Variants in SRSF7 observed in about 807,000 individuals in gnomAD.
SRSF7 encodes the protein serine and arginine rich splicing factor 7.
Under a neutral mutation model 42.2 loss-of-function variants are expected in SRSF7, and 15 were observed. That is an observed-to-expected ratio of 0.36 (90% CI 0.24 to 0.55). The LOEUF is 0.55. Among genes scored for constraint, SRSF7 ranks in the 20% least tolerant of loss-of-function variants. The pLI, the probability that SRSF7 is intolerant of heterozygous loss-of-function variation, is 0.88. For synonymous variants in SRSF7, 138 were observed against 107.9 expected (o/e 1.28, Z -1.73); for missense variants, 181 against 305.9 (o/e 0.59, Z 3.04).
intron 3 of SRSF7, chr2:38,749,161 C>G: frequency 1.5e-6 from 2 of 1,322,064 alleles, no homozygotes; most frequent in African/African-American, 1.5e-5. Context: ...ATCACCGTCT[C>G]AAATTTTCTG....
At position 38,744,875 on chromosome 2, in the gene SRSF7, T is replaced by C; in HGVS notation, c.*258A>G. On this transcript the variant is annotated 3_prime_UTR_variant, in exon 8 of 8. Coordinates refer to ENST00000313117, the MANE Select transcript of SRSF7 (RefSeq NM_001031684.3). ...TATATCAAATTAAGAAGTGTTAATA[T>C]TGAACACAAATCAAAAATCTAGTTA... is the stretch of plus-strand genomic sequence containing the variant. 4.6e-6 allele frequency: 2 copies of C among 435,446 alleles called. No individual in the cohort carries two copies. The highest frequency in any genetic ancestry group is 2.0e-5 in the African/African-American group (1 of 50,636). 27.0% of individuals were successfully genotyped at this position (435,446 alleles called of 1,614,324 possible). A position where few individuals can be genotyped will look rare whatever the true frequency, so the allele number is the denominator to read the frequency against.
At chr2:38,746,082 A>T (rs937860482) in intron 7 of SRSF7, 62 bp downstream of exon 7, 9 of 1,580,990 alleles carry the variant, frequency 5.7e-6, no homozygotes, top group Non-Finnish European at 7.0e-6. Flanking sequence ...AGCAGTAAGC[A>T]AACAAATTCT....
At chr2:38,748,453 C>A in intron 4 of SRSF7, 126 bp downstream of exon 4, 3 of 943,006 alleles carry the variant, frequency 3.2e-6, no homozygotes, top group Admixed American at 1.9e-5. Flanking sequence ...TGGTTATGCC[C>A]CTGTACTCCA....
At chr2:38,749,375 A>G in intron 3 of SRSF7, 154 bp downstream of exon 3, 2 of 1,541,694 alleles carry the variant, frequency 1.3e-6, no homozygotes, top group Non-Finnish European at 1.7e-6. Context: ...GTTGATTATT[A>G]ATATAGTAAC....
chr2:38,745,364 C>G (rs1667207627), intron 7 of SRSF7, among the ~76,000 whole-genome samples, 177 bp from the exon 8 acceptor site: 1 of 152,124 alleles, frequency 6.6e-6, no homozygotes, highest in Admixed American at 6.6e-5. Flanking sequence ...TAAGATTAGG[C>G]TACCCTGGCC....
In SRSF7 at chr2:38,749,715, G is replaced by A. The variant is rs985450024; in HGVS notation, c.210-10C>T. On this transcript the variant is annotated splice_polypyrimidine_tract_variant and intron_variant, in intron 2 of 7. Transcript: ENST00000313117. The stretch of plus-strand genomic sequence containing the variant: ...GGAGCCACAAATCACCCTAATAAAA[G>A]CAAATTAACAAAATTCTAAAGTTAA... The A allele has an allele frequency of 1.3e-6, 2 of 1,529,124 alleles. No homozygotes were observed. Among genetic ancestry groups the A allele is most frequent in the Admixed American group, 2.4e-5 (1 of 42,016 alleles). 94.7% of individuals were successfully genotyped at this position (1,529,124 alleles called of 1,614,324 possible).
intron 2 of SRSF7, 102 bp from the exon 3 acceptor site, chr2:38,749,807 C>A: frequency 7.4e-7 from 1 of 1,345,672 alleles, no homozygotes; most frequent in East Asian, 2.6e-5. Flanking sequence ...CCAACCACTC[C>A]TTCCCCCCCA....
chr2:38,750,249 T>C, intron 1 of SRSF7, 55 bp from the exon 2 acceptor site: 2 of 1,527,372 alleles, frequency 1.3e-6, no homozygotes, highest in Non-Finnish European at 1.8e-6. Flanking sequence ...GGCCCAAGTT[T>C]CAATTACTTA....
intron 2 of SRSF7, 92 bp from the exon 3 acceptor site, chr2:38,749,797 C>A (rs1251574518): frequency 7.3e-7 from 1 of 1,367,412 alleles, no homozygotes; most frequent in Non-Finnish European, 9.7e-7. Context: ...CTCACTCTTT[C>A]CAACCACTCC....
intron 4 of SRSF7, 120 bp downstream of exon 4, chr2:38,748,459 C>T (rs1667808121): frequency 9.8e-7 from 1 of 1,019,640 alleles, no homozygotes; most frequent in Non-Finnish European, 1.5e-6. Flanking sequence ...TGCCCCTGTA[C>T]TCCAGCCCGG....
chr2:38,748,164 T>C lies in SRSF7; in HGVS notation c.462-7A>G. The stretch of plus-strand genomic sequence containing the variant: ...AGGAGATGCTGACCTTGACCTAAAA[T>C]AAAGAACTTTAAGTCCATCTCCACA... On this transcript the variant is annotated splice_polypyrimidine_tract_variant and splice_region_variant and intron_variant, in intron 4 of 7. Coordinates refer to ENST00000313117, the MANE Select transcript of SRSF7 (RefSeq NM_001031684.3). 3 of 1,592,662 alleles carry C rather than the reference T, an allele frequency of 1.9e-6. No individual in the cohort carries two copies. Among genetic ancestry groups the C allele is most frequent in the Non-Finnish European group, 2.6e-6 (3 of 1,168,772 alleles).
In SRSF7 at chr2:38,751,361, C is replaced by A; in HGVS notation, c.-105G>T. ...CCCGCCAAGAGTCCCGGCGGCACTA[C>A]GAGGAAGAGCCCGGGTTCGCGTTTA... On this transcript the variant is annotated 5_prime_UTR_variant, in exon 1 of 8. Coordinates refer to ENST00000313117, the MANE Select transcript of SRSF7 (RefSeq NM_001031684.3). 3 of 1,509,870 alleles carry A rather than the reference C, an allele frequency of 2.0e-6. No individual in the cohort carries two copies. In the South Asian group the frequency reaches 3.4e-5, roughly 17 times the overall value. The allele number at this position is 1,509,870 out of a possible 1,614,324, so 93.5% of individuals were successfully genotyped here.
Position 38,745,115 on chromosome 2 carries a change from A to G in SRSF7, c.*18T>C. 6.2e-7 allele frequency: 1 copy of G among 1,613,698 alleles called. No individual in the cohort carries two copies. The highest frequency in any genetic ancestry group is 8.5e-7 in the Non-Finnish European group (1 of 1,179,722). ...TGTAAACAAAATAACTTTTCCCTAA[A>G]GGGTGAACTTGAGAGCTTCAGTCCA... On this transcript the variant is annotated 3_prime_UTR_variant, in exon 8 of 8. Transcript: ENST00000313117.
In SRSF7 at chr2:38,743,644, TTAAA is replaced by T; in HGVS notation, c.*1485_*1488del. The T allele has an allele frequency of 6.6e-6, 1 of 152,652 alleles. No homozygotes were observed. Among genetic ancestry groups the T allele is most frequent in the African/African-American group, 2.4e-5 (1 of 41,444 alleles). The allele number at this position is 152,652 out of a possible 1,614,324, so 9.5% of individuals were successfully genotyped here. Reference sequence around the variant, plus strand: ...GATTTATTGTTGAGTAAACTTATCTTTAAATAATACAGAACAATTAAAGCTAACC... The same window carrying T: ...GATTTATTGTTGAGTAAACTTATCTTTAATACAGAACAATTAAAGCTAACC... On this transcript the variant is annotated 3_prime_UTR_variant, in exon 8 of 8. Transcript: ENST00000313117.
At chr2:38,748,383 G>A (rs1667798787) in intron 4 of SRSF7, among the ~76,000 whole-genome samples, 196 bp downstream of exon 4, 1 of 152,044 alleles carries the variant, frequency 6.6e-6, no homozygotes, top group Admixed American at 6.6e-5. Context: ...CCAGCTACTC[G>A]GGAGGCTGAG....
chr2:38,748,585 C>G lies in SRSF7; in HGVS notation c.455G>C (p.Gly152Ala). 3 of 1,614,048 alleles carry G rather than the reference C, an allele frequency of 1.9e-6. No homozygotes were observed. Among genetic ancestry groups the G allele is most frequent in the Non-Finnish European group, 2.5e-6 (3 of 1,179,912 alleles). Residue 152 changes from glycine (G) to alanine (A), a missense_variant, in exon 4 of 8, where the codon GGA (glycine) becomes GCA (alanine). Coordinates refer to ENST00000313117, the MANE Select transcript of SRSF7 (RefSeq NM_001031684.3). ...RYSRSRSRSR[G>A]RRSRSASPRR... is the part of the protein sequence containing the mutation. The stretch of plus-strand genomic sequence containing the variant: ...CAGTTAAACAAGATCTCACCTTCGT[C>G]CCCTGCTCCTGCTGCGTGAGCGAGA...
chr2:38,746,908 AC>A, intron 5 of SRSF7, 161 bp from the exon 6 acceptor site: 1 of 1,256,080 alleles, frequency 8.0e-7, no homozygotes, highest in Non-Finnish European at 1.1e-6. Context: ...ACAAAGTGTT[AC>A]CAGACATAAG....
Position 38,751,339 on chromosome 2 carries a change from G to A in SRSF7, c.-83C>T. On this transcript the variant is annotated 5_prime_UTR_variant, in exon 1 of 8. Transcript: ENST00000313117. ...CAAAAGCTGACACACACCTTCACCC[G>A]CCAAGAGTCCCGGCGGCACTACGAG... 82 of 1,589,906 alleles carry A rather than the reference G, an allele frequency of 5.2e-5. No individual in the cohort carries two copies. The highest frequency in any genetic ancestry group is 1.0e-4 in the Admixed American group (6 of 59,612).
chr2:38,751,319 G>C lies in SRSF7; in HGVS notation c.-63C>G. Reference sequence around the variant, plus strand: ...CGCCCAGGGCTCGAGTGACGCAAAAGCTGACACACACCTTCACCCGCCAAG... The same window carrying C: ...CGCCCAGGGCTCGAGTGACGCAAAACCTGACACACACCTTCACCCGCCAAG... On this transcript the variant is annotated 5_prime_UTR_variant, in exon 1 of 8. Coordinates refer to ENST00000313117, the MANE Select transcript of SRSF7 (RefSeq NM_001031684.3). The C allele has an allele frequency of 6.8e-6, 11 of 1,610,836 alleles. No individual in the cohort carries two copies. Among genetic ancestry groups the C allele is most frequent in the South Asian group, 1.1e-5 (1 of 91,014 alleles).
Sources: allele counts gnomAD v4.1 joint callset (sites outside exome capture counted in the v4.1 genomes callset), GRCh38; gene constraint gnomAD v4.1.1; transcripts MANE v1.5; gene names NCBI Gene and HGNC (gene_info 2026-07-23, HGNC 2026-07-21).